Variants in CENPF observed in about 807,000 individuals in gnomAD.
CENPF encodes AH antigen.
Under a neutral mutation model 307.3 loss-of-function variants are expected in CENPF, and 214 were observed. That is an observed-to-expected ratio of 0.70 (90% CI 0.62 to 0.78). The LOEUF (loss-of-function observed/expected upper bound fraction) is 0.78, where lower values mean the gene tolerates loss of function less well. Among genes scored for constraint, CENPF ranks in the 30% least tolerant of loss-of-function variants. The pLI is 0.00. For synonymous variants in CENPF, 1,259 were observed against 1,270.6 expected (o/e 0.99, Z 0.19); for missense variants, 3,401 against 3,483.9 (o/e 0.98, Z 0.60).
intron 1 of CENPF, among the ~76,000 whole-genome samples, chr1:214,610,479 ATTTTT>A (rs200567669): frequency 7.7e-6 from 1 of 130,500 alleles, no homozygotes; most frequent in Admixed American, 7.6e-5. Flanking sequence ...AGCCACATGT[ATTTTT>A]TTTTTTTTTT....
At chr1:214,607,895 C>T (rs1034070016) in intron 1 of CENPF, among the ~76,000 whole-genome samples, 1 of 152,188 alleles carries the variant, frequency 6.6e-6, no homozygotes, top group Non-Finnish European at 1.5e-5. Context: ...GCCTCATGGG[C>T]CAGGCCTCGG....
Position 214,657,069 on chromosome 1 carries a change from A to G in CENPF, c.8622A>G (p.Leu2874=), listed in dbSNP as rs754350883. The part of the protein sequence containing the change: ...YCSLLISHEK[L]EKAKEMLETQ... ...CCTTGCTTATAAGCCATGAAAAGTT[A>G]GAGAAAGCTAAAGAGATGTTAGAGA... The change falls in exon 18 of 20, where the codon TTA becomes TTG. Residue 2874 remains leucine (L), a synonymous_variant. Coordinates refer to ENST00000366955, the MANE Select transcript of CENPF (RefSeq NM_016343.4). The G allele has an allele frequency of 4.3e-6, 7 of 1,614,104 alleles. No individual in the cohort carries two copies. Among genetic ancestry groups the G allele is most frequent in the Middle Eastern group, 3.3e-4 (2 of 6,084 alleles).
At chr1:214,610,658 CT>C (rs1183832178) in intron 1 of CENPF, among the ~76,000 whole-genome samples, 1 of 151,906 alleles carries the variant, frequency 6.6e-6, no homozygotes, top group Non-Finnish European at 1.5e-5. Context: ...TGTTGAGTTT[CT>C]TTTGCTGTGC....
rs375031145 is a variant in CENPF at position 214,620,935 on chromosome 1, C to G, written c.854C>G (p.Ala285Gly). 6.2e-7 allele frequency: 1 copy of G among 1,605,986 alleles called. No individual in the cohort carries two copies. Among genetic ancestry groups the G allele is most frequent in the African/African-American group, 1.3e-5 (1 of 74,438 alleles). The change falls in exon 6 of 20, where the codon GCG becomes GGG. Residue 285 changes from alanine to glycine, a missense_variant. Ala to Gly is a moderately conservative substitution (Grantham distance 60). Transcript: ENST00000366955. ...SSPHLLDQLKAQNQELRNKIN... is the reference protein window; with the variant it reads ...SSPHLLDQLKGQNQELRNKIN... ...CCTCATCTTTTGGATCAATTAAAAG[C>G]GCAGAATCAAGGTAACATTGAGCTA...
chr1:214,619,631 G>T (rs1300917700), intron 5 of CENPF, among the ~76,000 whole-genome samples: 3 of 152,040 alleles, frequency 2.0e-5, no homozygotes, highest in Admixed American at 6.5e-5. Context: ...TTTTGTTCAC[G>T]TGTTATTTGC....
At position 214,651,885 on chromosome 1, in the gene CENPF, A is replaced by T; in HGVS notation, c.8159A>T (p.Gln2720Leu). 6.3e-7 allele frequency: 1 copy of T among 1,598,964 alleles called. No individual in the cohort carries two copies. The highest frequency in any genetic ancestry group is 8.5e-7 in the Non-Finnish European group (1 of 1,175,096). ...GCTTTGCTTTTGGACACAAACAAACAGGTGAAATGTGGGGTTTGGTTACTG... is the reference window on the plus strand; with the variant it reads ...GCTTTGCTTTTGGACACAAACAAACTGGTGAAATGTGGGGTTTGGTTACTG... ...HQALLLDTNK[Q>L]YEVEIQTYRE... Residue 2720 changes from glutamine to leucine, a missense_variant and splice_region_variant, in exon 15 of 20, where the codon CAG becomes CTG. By Grantham distance (113) the Gln-to-Leu change is moderately radical (BLOSUM62 -2). Coordinates refer to ENST00000366955, the MANE Select transcript of CENPF (RefSeq NM_016343.4).
Position 214,626,572 on chromosome 1 carries a change from A to C in CENPF, c.1069-2474A>C, listed in dbSNP as rs549657117. 3.9e-5 allele frequency among the ~76,000 whole-genome samples: 6 copies of C among 152,266 alleles called. No homozygotes were observed. In the East Asian group the frequency reaches 1.2e-3, roughly 29 times the overall value. On this transcript the variant is annotated intron_variant, in intron 7 of 19. Transcript: ENST00000366955. ...TATCCTCATGCAGTCTCACTACGTA[A>C]TAGTAATTTGGTCTTTTAAGTTAGA...
chr1:214,647,065 T>C lies in CENPF; in HGVS notation c.7495T>C (p.Leu2499=). ...TGAGGCCAAAAATAATTATATTGTT[T>C]TGCAATCTTCAGTGAATGGCCTCAT... is the stretch of plus-strand genomic sequence containing the variant. The part of the protein sequence containing the change: ...LDEAKNNYIV[L]QSSVNGLIQE... Residue 2499 remains leucine, a synonymous_variant, in exon 13 of 20, where the codon TTG becomes CTG. Transcript: ENST00000366955. 2.5e-6 allele frequency: 4 copies of C among 1,614,098 alleles called. No individual in the cohort carries two copies. The highest frequency in any genetic ancestry group is 2.2e-5 in the East Asian group (1 of 44,862).
At position 214,640,095 on chromosome 1, in the gene CENPF, A is replaced by T. The variant is rs777321470; in HGVS notation, c.1757A>T (p.Asp586Val). 13 of 1,592,990 alleles carry T rather than the reference A, an allele frequency of 8.2e-6. No individual in the cohort carries two copies. In the East Asian group the frequency reaches 2.7e-4, roughly 33 times the overall value. The change falls in exon 12 of 20, where the codon GAT becomes GTT. Residue 586 changes from aspartate to valine, a missense_variant. Coordinates refer to ENST00000366955, the MANE Select transcript of CENPF (RefSeq NM_016343.4). ...GAACATCACATTGAACAACTTAATGATAAGTTAAGCAAGACAGAGAAAGAG... is the reference window on the plus strand; with the variant it reads ...GAACATCACATTGAACAACTTAATGTTAAGTTAAGCAAGACAGAGAAAGAG... ...KREHHIEQLN[D>V]KLSKTEKESK...
chr1:214,646,787 A>T lies in CENPF; in HGVS notation c.7217A>T (p.Glu2406Val), dbSNP rs1186940475. 1 of 1,611,534 alleles carries T rather than the reference A, an allele frequency of 6.2e-7. No homozygotes were observed. Among genetic ancestry groups the T allele is most frequent in the South Asian group, 1.1e-5 (1 of 90,644 alleles). Residue 2406 changes from glutamate to valine, a missense_variant, in exon 13 of 20, where the codon GAG becomes GTG. Coordinates refer to ENST00000366955, the MANE Select transcript of CENPF (RefSeq NM_016343.4). The part of the protein sequence containing the change: ...NLTNELQKEQ[E>V]RISELEIINS... ...ACAAATGAATTACAAAAAGAGCAAG[A>T]GCGAATATCTGAATTAGAAATAATA...
chr1:214,616,444 A>AT (rs946996635), intron 3 of CENPF, among the ~76,000 whole-genome samples: 3 of 152,188 alleles, frequency 2.0e-5, no homozygotes, highest in Admixed American at 6.5e-5. Flanking sequence ...GGCAATTATG[A>AT]TGTACTTCAA....
At position 214,632,550 on chromosome 1, in the gene CENPF, A is replaced by T; in HGVS notation, c.1394A>T (p.Gln465Leu). 1.2e-6 allele frequency: 2 copies of T among 1,614,190 alleles called. No individual in the cohort carries two copies. Among genetic ancestry groups the T allele is most frequent in the Middle Eastern group, 1.7e-4 (1 of 6,060 alleles). ...EFKQKLCRAE[Q>L]AFQASQIKEN... ...AAGCAAAAGTTGTGCAGAGCTGAAC[A>T]GGCGTTCCAGGCGAGTCAGATCAAG... The change falls in exon 10 of 20, where the codon CAG (glutamine) becomes CTG (leucine). Residue 465 changes from glutamine to leucine, a missense_variant. Gln to Leu is a moderately radical substitution (Grantham distance 113). Transcript: ENST00000366955.
chr1:214,622,104 G>A lies in CENPF; in HGVS notation c.891G>A (p.Leu297=). ...NQELRNKINE[L]ELRLQGHEKE... Reference sequence around the variant, plus strand: ...AGCTAAGAAACAAGATTAATGAGTTGGAACTACGCCTGCAAGGACATGAAA... The same window carrying A: ...AGCTAAGAAACAAGATTAATGAGTTAGAACTACGCCTGCAAGGACATGAAA... Residue 297 remains leucine (L), a synonymous_variant, in exon 7 of 20, where the codon TTG becomes TTA. Transcript: ENST00000366955. 1 of 1,613,824 alleles carries A rather than the reference G, an allele frequency of 6.2e-7. No homozygotes were observed. The highest frequency in any genetic ancestry group is 8.5e-7 in the Non-Finnish European group (1 of 1,179,898).
chr1:214,614,255 C>T (rs991617370), intron 2 of CENPF, among the ~76,000 whole-genome samples: 3 of 152,088 alleles, frequency 2.0e-5, no homozygotes, highest in African/African-American at 7.2e-5. Context: ...TGCTTTTGCA[C>T]TGCATAGCAA....
intron 14 of CENPF, among the ~76,000 whole-genome samples, chr1:214,650,738 C>G (rs539265271): frequency 6.6e-6 from 1 of 151,856 alleles, no homozygotes; most frequent in South Asian, 2.1e-4. Flanking sequence ...TCTGTTTCTA[C>G]AAAAAAACAG....
At chr1:214,616,893 C>A (rs1174339021) in intron 3 of CENPF, among the ~76,000 whole-genome samples, 1 of 86,234 alleles carries the variant, frequency 1.2e-5, no homozygotes, top group African/African-American at 4.4e-5. Context: ...TTCTTTCTTT[C>A]TTTCTTTCTT....
Position 214,652,762 on chromosome 1 carries a change from A to G in CENPF, c.8161-66A>G, listed in dbSNP as rs541136872. ...CCAGCTGTTTTTTGTTTTTCTGACT[A>G]TTTTTTTTTAGCTGTGCCTCCTGGC... On this transcript the variant is annotated intron_variant, in intron 15 of 19. Transcript: ENST00000366955. 3.3e-4 allele frequency: 452 copies of G among 1,365,808 alleles called. 6 individuals are homozygous for G. The highest frequency in any genetic ancestry group is 3.3e-3 in the Middle Eastern group (13 of 3,990). 84.6% of individuals were successfully genotyped at this position (1,365,808 alleles called of 1,614,324 possible). A position where few individuals can be genotyped will look rare whatever the true frequency, so the allele number is the denominator to read the frequency against.
rs746374006 is a variant in CENPF, at chr1:214,640,691, T to C, written c.2353T>C (p.Leu785=). Residue 785 remains leucine, a synonymous_variant, in exon 12 of 20, where the codon TTG becomes CTG. Transcript: ENST00000366955. ...AAATGAAGATCATCAGAGAAGTCTT[T>C]TGGCTTTTGATCAGCAGCCTGCCAT... ...VTNEDHQRSL[L]AFDQQPAMHH... is the part of the protein sequence containing the mutation. The C allele has an allele frequency of 3.7e-6, 6 of 1,613,974 alleles. No homozygotes were observed. Among genetic ancestry groups the C allele is most frequent in the African/African-American group, 2.7e-5 (2 of 74,930 alleles).
At chr1:214,608,314 C>T in intron 1 of CENPF, 2 of 1,590,764 alleles carry the variant, frequency 1.3e-6, no homozygotes, top group Non-Finnish European at 1.7e-6. Flanking sequence ...TTGCCCTCAC[C>T]TGGTGCGCAG....
Sources: gnomAD v4.1 joint callset for allele counts (sites outside exome capture counted in the v4.1 genomes callset) on GRCh38, gnomAD v4.1.1 for gene constraint, MANE v1.5 for transcripts, NCBI Gene and HGNC (gene_info 2026-07-23, HGNC 2026-07-21) for gene names.